Variants in DNAH6 observed in about 807,000 individuals in gnomAD.
The protein encoded by DNAH6 is dynein axonemal heavy chain 6, also known as axonemal beta dynein heavy chain 6.
Under a neutral mutation model 491.4 loss-of-function variants are expected in DNAH6, and 340 were observed. The ratio of observed to expected loss-of-function variants is 0.69; its 90% confidence interval spans 0.63 to 0.76. The LOEUF (loss-of-function observed/expected upper bound fraction) is 0.76. Ranked by LOEUF, DNAH6 falls within the 30% of genes least tolerant of loss-of-function variation. The pLI is 0.00. For synonymous variants in DNAH6, 1,603 were observed against 1,686.1 expected, an observed-to-expected ratio of 0.95 and a Z score of 1.21; for missense variants, 4,443 against 4,972.2, an observed-to-expected ratio of 0.89 and a Z score of 3.20.
At chr2:84,473,717 A>G in the DNAH6 span, among the ~76,000 whole-genome samples, 1 of 152,156 alleles carries the variant, frequency 6.6e-6, no homozygotes, top group Non-Finnish European at 1.5e-5. Flanking sequence ...TTTGAATTTG[A>G]ACCTTTTGAG....
chr2:84,733,697 A>C, intron 62 of DNAH6, 118 bp downstream of exon 62: 1 of 942,258 alleles, frequency 1.1e-6, no homozygotes, highest in South Asian at 2.4e-5. Context: ...AACTTCCTTC[A>C]TTTCTAAGAA....
At chr2:84,727,522 A>G in intron 60 of DNAH6, 147 bp from the exon 61 acceptor site, 1 of 608,486 alleles carries the variant, frequency 1.6e-6, no homozygotes, top group East Asian at 2.8e-5. Context: ...TCAGTTTCCA[A>G]GAACCTATTG....
At chr2:84,494,868 A>C in the DNAH6 span, among the ~76,000 whole-genome samples, 1 of 152,180 alleles carries the variant, frequency 6.6e-6, no homozygotes, top group Non-Finnish European at 1.5e-5. Context: ...AATTATTAAA[A>C]TACAGATTGA....
intron 4 of DNAH6, 40 bp from the exon 5 acceptor site, chr2:84,544,193 A>G: frequency 9.2e-7 from 1 of 1,092,182 alleles, no homozygotes; most frequent in Non-Finnish European, 1.3e-6. Flanking sequence ...TTTTGTATTG[A>G]ATACTTTATT....
At chr2:84,786,077 C>T (rs964025289) in intron 67 of DNAH6, among the ~76,000 whole-genome samples, 1 of 150,942 alleles carries the variant, frequency 6.6e-6, no homozygotes, top group African/African-American at 2.5e-5. Flanking sequence ...AGTTTTCAAA[C>T]GTGTGTGGTC....
At chr2:84,533,998 C>T (rs571318264) in intron 4 of DNAH6, among the ~76,000 whole-genome samples, 1 of 152,152 alleles carries the variant, frequency 6.6e-6, no homozygotes, top group Non-Finnish European at 1.5e-5. Flanking sequence ...ATCTGTGGCT[C>T]ACACTACCCA....
At chr2:84,527,295 C>A (rs1234489492) in intron 3 of DNAH6, among the ~76,000 whole-genome samples, 1 of 152,000 alleles carries the variant, frequency 6.6e-6, no homozygotes, top group African/African-American at 2.4e-5. Context: ...TTCCCACCCC[C>A]AAATCTGAAC....
At chr2:84,593,534 C>A (rs1003433736) in intron 16 of DNAH6, among the ~76,000 whole-genome samples, 1 of 152,172 alleles carries the variant, frequency 6.6e-6, no homozygotes, top group Non-Finnish European at 1.5e-5. Flanking sequence ...CCATCTTAAA[C>A]TTCACCATCT....
chr2:84,501,259 T>C, the DNAH6 span, among the ~76,000 whole-genome samples: 2 of 152,228 alleles, frequency 1.3e-5, no homozygotes, highest in African/African-American at 2.4e-5. Context: ...TATCAAATGC[T>C]TTTTCAGCAT....
Position 84,604,507 on chromosome 2 carries a change from G to A in DNAH6, c.3037G>A (p.Gly1013Arg), listed in dbSNP as rs1313131360. ...DFGQEIQDIS[G>R]QASGEAALEA... ...TGGTCAAGAAATCCAGGACATATCT[G>A]GACAGGCTTCTGGAGAAGCTGCCTT... Residue 1013 changes from glycine to arginine, a missense_variant, in exon 19 of 77, where the codon GGA (glycine) becomes AGA (arginine). This residue lies in a region of DNAH6 where 2,977 missense variants were observed against 3,296.6 expected (regional missense o/e 0.90). Transcript: ENST00000389394. 1 of 1,551,558 alleles carries A rather than the reference G, an allele frequency of 6.4e-7. No individual in the cohort carries two copies. The highest frequency in any genetic ancestry group is 1.4e-5 in the African/African-American group (1 of 73,034).
chr2:84,705,732 G>T lies in DNAH6; in HGVS notation c.8712G>T (p.Lys2904Asn). 6.5e-7 allele frequency: 1 copy of T among 1,550,164 alleles called. No homozygotes were observed. Among genetic ancestry groups the T allele is most frequent in the South Asian group, 1.2e-5 (1 of 83,914 alleles). ...VVKVVEPKRQ[K>N]LRAAQAELDI... ...AGGTCGTCGAACCAAAAAGACAAAA[G>T]CTCCGCGCCGCACAGGTACATTTTC... The change falls in exon 52 of 77, where the codon AAG (lysine) becomes AAT (asparagine). Residue 2904 changes from lysine to asparagine, a missense_variant. By Grantham distance (94) the Lys-to-Asn change is moderately conservative. This residue lies in a region of DNAH6 where 1,463 missense variants were observed against 1,656.6 expected (regional missense o/e 0.88). Transcript: ENST00000389394.
At chr2:84,649,932 A>C (rs1690266990) in intron 33 of DNAH6, among the ~76,000 whole-genome samples, 1 of 152,200 alleles carries the variant, frequency 6.6e-6, no homozygotes, top group Non-Finnish European at 1.5e-5. Context: ...AACTGAAAAT[A>C]AAACATTTTT....
At chr2:84,493,262 A>G in the DNAH6 span, among the ~76,000 whole-genome samples, 1 of 152,156 alleles carries the variant, frequency 6.6e-6, no homozygotes, top group African/African-American at 2.4e-5. Context: ...TATAGACTAT[A>G]TACCATATGT....
chr2:84,628,937 G>A (rs1477630696), intron 29 of DNAH6, among the ~76,000 whole-genome samples: 8 of 152,178 alleles, frequency 5.3e-5, no homozygotes, highest in Non-Finnish European at 8.8e-5. Flanking sequence ...TCTTCACCAG[G>A]GGTAACTTCT....
intron 64 of DNAH6, among the ~76,000 whole-genome samples, chr2:84,775,566 A>G (rs1424715578): frequency 6.6e-6 from 1 of 152,086 alleles, no homozygotes; most frequent in African/African-American, 2.4e-5. Context: ...GATTTTTTGG[A>G]ATAGTTTCAG....
chr2:84,746,677 A>G (rs576418078), intron 63 of DNAH6, among the ~76,000 whole-genome samples: 2 of 152,220 alleles, frequency 1.3e-5, no homozygotes, highest in Admixed American at 1.3e-4. Context: ...ATGTTGTAGG[A>G]TTTTCTGCTA....
At chr2:84,619,641 T>A in intron 23 of DNAH6, 44 bp from the exon 24 acceptor site, 1 of 1,499,520 alleles carries the variant, frequency 6.7e-7, no homozygotes, top group South Asian at 1.2e-5. Context: ...TCTAAGACTT[T>A]ACTTCCATTT....
chr2:84,503,598 G>A, the DNAH6 span, among the ~76,000 whole-genome samples: 3 of 151,834 alleles, frequency 2.0e-5, no homozygotes, highest in Non-Finnish European at 4.4e-5. Flanking sequence ...GAAATCCCTC[G>A]GCTTTCATTT....
chr2:84,713,067 A>G, intron 56 of DNAH6, 28 bp from the exon 57 acceptor site: 1 of 1,530,312 alleles, frequency 6.5e-7, no homozygotes, highest in Non-Finnish European at 8.8e-7. Context: ...TTCTTTTTGT[A>G]TTGTCCTGTT....
Sources: gnomAD v4.1 joint callset for allele counts (sites outside exome capture counted in the v4.1 genomes callset) on GRCh38, gnomAD v4.1.1 for gene constraint, gnomAD v4.1.1 regional missense constraint, MANE v1.5 for transcripts, NCBI Gene and HGNC (gene_info 2026-07-23, HGNC 2026-07-21) for gene names.